Variants in IGSF11 observed in about 807,000 individuals in gnomAD.
IGSF11 encodes the protein immunoglobulin superfamily member 11.
IGSF11 carries 22 observed loss-of-function variants against 41.0 expected under a neutral mutation model. The observed-to-expected ratio is 0.54, with a 90% CI of 0.38 to 0.77. The LOEUF is 0.77. Ranked by LOEUF, IGSF11 falls within the 30% of genes least tolerant of loss-of-function variation. The probability of loss-of-function intolerance (pLI) is 0.00; values close to 1 mark genes in which losing one functional copy is unlikely to be tolerated. For synonymous variants in IGSF11, 219 were observed against 201.3 expected, an observed-to-expected ratio of 1.09 and a Z score of -0.74; for missense variants, 444 against 530.8, an observed-to-expected ratio of 0.84 and a Z score of 1.61.
At chr3:119,001,606 T>C (rs1936870759) in intron 1 of IGSF11, among the ~76,000 whole-genome samples, 2 of 134,046 alleles carry the variant, frequency 1.5e-5, no homozygotes, top group South Asian at 2.7e-4. Context: ...TATCTCCCAA[T>C]GCTATCCCTC....
In IGSF11 at chr3:118,914,297, G is replaced by GC. The variant is rs1156344239; in HGVS notation, c.581-8580_581-8579insG. ...ACAGCTCCGGTCTACAGCTCCCAGC[G>GC]TGAGCGACGCAGAAGACGGGTGATT... On this transcript the variant is annotated intron_variant, in intron 4 of 6. Coordinates refer to ENST00000393775, the MANE Select transcript of IGSF11 (RefSeq NM_001015887.3). 3.3e-5 allele frequency among the ~76,000 whole-genome samples: 5 copies of GC among 151,676 alleles called. 1 individual carries two copies. Among genetic ancestry groups the GC allele is most frequent in the East Asian group, 1.9e-4 (1 of 5,138 alleles).
chr3:118,971,267 A>C, intron 1 of IGSF11, among the ~76,000 whole-genome samples: 1 of 152,210 alleles, frequency 6.6e-6, no homozygotes, highest in African/African-American at 2.4e-5. Context: ...TCAGATTAGC[A>C]AACTTCAGAG....
At chr3:118,959,000 T>G (rs1435823266) in intron 1 of IGSF11, among the ~76,000 whole-genome samples, 2 of 152,196 alleles carry the variant, frequency 1.3e-5, no homozygotes, top group African/African-American at 4.8e-5. Context: ...GAAATTCTAC[T>G]TTTGCTGAAT....
At chr3:119,087,665 G>A (rs984878709) in intron 1 of IGSF11, among the ~76,000 whole-genome samples, 2 of 151,972 alleles carry the variant, frequency 1.3e-5, no homozygotes, top group Non-Finnish European at 2.9e-5. Flanking sequence ...TACACATTGG[G>A]TACAGTGTAC....
chr3:119,126,310 C>A (rs548492803), intron 1 of IGSF11, among the ~76,000 whole-genome samples: 10 of 152,224 alleles, frequency 6.6e-5, no homozygotes, highest in Non-Finnish European at 1.5e-4. Context: ...CCTCAGTGGG[C>A]GGGGCTTCCC....
At chr3:119,131,955 T>G (rs890265195) in intron 1 of IGSF11, among the ~76,000 whole-genome samples, 4 of 152,082 alleles carry the variant, frequency 2.6e-5, no homozygotes, top group African/African-American at 9.7e-5. Flanking sequence ...CAAACTAAGC[T>G]TCATAAGTGA....
intron 1 of IGSF11, among the ~76,000 whole-genome samples, chr3:118,997,641 T>C (rs1263844501): frequency 1.3e-5 from 2 of 148,584 alleles, no homozygotes; most frequent in African/African-American, 2.5e-5. Flanking sequence ...ACAGCACATC[T>C]AGGGTGGTGC....
chr3:119,045,194 A>G (rs1044825309), intron 1 of IGSF11, among the ~76,000 whole-genome samples: 3 of 152,212 alleles, frequency 2.0e-5, no homozygotes, highest in Admixed American at 6.5e-5. Context: ...CGTGAGCGAC[A>G]CAGAATATGG....
intron 1 of IGSF11, among the ~76,000 whole-genome samples, chr3:119,068,582 T>C (rs1942301897): frequency 6.6e-6 from 1 of 152,196 alleles, no homozygotes. Context: ...GACTTCCATA[T>C]CTGTAGTGGT....
At chr3:119,106,350 C>T (rs1234054355), upstream of IGSF11, among the ~76,000 whole-genome samples, 2 of 152,132 alleles carry the variant, frequency 1.3e-5, no homozygotes, top group Non-Finnish European at 2.9e-5. Context: ...CACCATTTCC[C>T]CCCGAACTTC....
intron 1 of IGSF11, among the ~76,000 whole-genome samples, chr3:119,048,338 T>C (rs930385461): frequency 2.0e-5 from 3 of 151,794 alleles, no homozygotes; most frequent in Non-Finnish European, 2.9e-5. Context: ...CCCACAGAAA[T>C]ACAAACTACC....
In IGSF11 at chr3:118,904,652, T is replaced by C; in HGVS notation, c.850A>G (p.Ile284Val). The change falls in exon 6 of 7, where the codon ATA becomes GTA. Residue 284 changes from isoleucine to valine, a missense_variant. This residue lies in a region of IGSF11 where 223 missense variants were observed against 226.2 expected (regional missense o/e 0.99). Transcript: ENST00000393775. ...TTAAAAATCTGACATACAAACCTTA[T>C]TTCATTAGGAATTTCTTCTTCTTCC... ...EEEEEEIPNE[I>V]REDDLPPKCS... 2 of 1,608,652 alleles carry C rather than the reference T, an allele frequency of 1.2e-6. No homozygotes were observed. Among genetic ancestry groups the C allele is most frequent in the East Asian group, 2.2e-5 (1 of 44,842 alleles).
In IGSF11 at chr3:119,064,509, CTCTTTTT is replaced by C. The variant is rs1177191760; in HGVS notation, c.49+40628_49+40634del. ...TGTTCTTCTGAGATTGCCTTGGCTGCTCTTTTTTTTTTTTTTTTTTTTTTCCATGTGA... is the reference window on the plus strand; with the variant it reads ...TGTTCTTCTGAGATTGCCTTGGCTGCTTTTTTTTTTTTTTTTTCCATGTGA... On this transcript the variant is annotated intron_variant, in intron 1 of 6. Coordinates refer to the IGSF11 transcript ENST00000354673. Among the ~76,000 whole-genome samples, 31 of 124,724 alleles carry C rather than the reference CTCTTTTT, an allele frequency of 2.5e-4. No individual in the cohort carries two copies. The East Asian group carries it at 2.8e-3, about 11-fold the overall frequency. The allele number at this position is 124,724 out of a possible 152,430, so 81.8% of individuals were successfully genotyped here.
intron 1 of IGSF11, among the ~76,000 whole-genome samples, chr3:118,965,999 A>G (rs1945649212): frequency 1.3e-5 from 2 of 151,862 alleles, no homozygotes; most frequent in Non-Finnish European, 2.9e-5. Flanking sequence ...AAAAGGCCAC[A>G]GAAATGAGAA....
In IGSF11 at chr3:119,131,800, A is replaced by G. The variant is rs1008780071; in HGVS notation, c.-14+14013T>C. Among the ~76,000 whole-genome samples, 92 of 152,256 alleles carry G rather than the reference A, an allele frequency of 6.0e-4. 1 individual carries two copies. The highest frequency in any genetic ancestry group is 3.1e-3 in the Admixed American group (48 of 15,276). ...GGAAAAAGGTTAAGGGCAGCCAGAG[A>G]GGAAGATCAGGTTACCTACAAAGGG... On this transcript the variant is annotated intron_variant, in intron 1 of 7. Transcript: ENST00000425327.
At chr3:118,922,389 A>G (rs932479524) in intron 4 of IGSF11, among the ~76,000 whole-genome samples, 1 of 145,194 alleles carries the variant, frequency 6.9e-6, no homozygotes, top group East Asian at 2.0e-4. Flanking sequence ...TAACATGTCA[A>G]TCACATCACA....
At chr3:119,084,610 A>G (rs1230493106) in intron 1 of IGSF11, among the ~76,000 whole-genome samples, 2 of 152,156 alleles carry the variant, frequency 1.3e-5, no homozygotes, top group Admixed American at 6.5e-5. Flanking sequence ...TTTCTTCTAC[A>G]TGGGACTGGG....
chr3:119,074,684 C>T (rs1435549047), intron 1 of IGSF11, among the ~76,000 whole-genome samples: 1 of 151,314 alleles, frequency 6.6e-6, no homozygotes, highest in African/African-American at 2.4e-5. Context: ...AACCCTGTCT[C>T]TACTAAAAAT....
chr3:119,115,802 T>G (rs1234759499), intron 1 of IGSF11, among the ~76,000 whole-genome samples: 2 of 152,220 alleles, frequency 1.3e-5, no homozygotes, highest in African/African-American at 4.8e-5. Context: ...AAATGTACAA[T>G]CTATATAATC....
Sources: allele counts gnomAD v4.1 joint callset (sites outside exome capture counted in the v4.1 genomes callset), GRCh38; gene constraint gnomAD v4.1.1; regional missense constraint gnomAD v4.1.1; transcripts MANE v1.5; gene names NCBI Gene and HGNC (gene_info 2026-07-23, HGNC 2026-07-21).